SYNE3: variants seen among roughly 807,000 people sequenced by gnomAD.
SYNE3 encodes the protein spectrin repeat containing nuclear envelope family member 3, also known as nesprin-3.
A neutral mutation model predicts 111.2 loss-of-function variants in SYNE3; 100 were observed. The ratio of observed to expected loss-of-function variants is 0.90; its 90% confidence interval spans 0.77 to 1.06. SYNE3 has a LOEUF of 1.06. SYNE3 is among the 50% of genes least tolerant of loss of function. The pLI is 0.00. For synonymous variants in SYNE3, 547 were observed against 533.9 expected, an observed-to-expected ratio of 1.02 and a Z score of -0.34; for missense variants, 1,160 against 1,240.3, an observed-to-expected ratio of 0.94 and a Z score of 0.97.
At chr14:95,462,767 G>A (rs756641977) in intron 4 of SYNE3, among the ~76,000 whole-genome samples, 1 of 152,234 alleles carries the variant, frequency 6.6e-6, no homozygotes, top group Non-Finnish European at 1.5e-5. Flanking sequence ...GACCTGAGTC[G>A]CAGCTGCAGG....
intron 1 of SYNE3, among the ~76,000 whole-genome samples, chr14:95,492,271 A>C (rs1413968148): frequency 1.3e-5 from 2 of 152,362 alleles, no homozygotes; most frequent in South Asian, 4.1e-4. Context: ...TTCTACTCTT[A>C]CATATATACT....
intron 8 of SYNE3, chr14:95,449,561 T>C (rs967308289): frequency 1.0e-6 from 1 of 985,458 alleles, no homozygotes; most frequent in Non-Finnish European, 1.2e-6. Context: ...CTGGACTGCC[T>C]GAATGTCGCT....
At position 95,409,209 on chromosome 14, in the gene SYNE3, C is replaced by A. The variant is rs1267375540; in HGVS notation, c.*8617G>T. 7 of 456,654 alleles carry A rather than the reference C, an allele frequency of 1.5e-5. No individual in the cohort carries two copies. Among genetic ancestry groups the A allele is most frequent in the Middle Eastern group, 3.2e-4 (1 of 3,098 alleles). 28.3% of individuals were successfully genotyped at this position (456,654 alleles called of 1,614,324 possible). A position where few individuals can be genotyped will look rare whatever the true frequency, so the allele number is the denominator to read the frequency against. On this transcript the variant is annotated 3_prime_UTR_variant, in exon 18 of 18. Coordinates refer to ENST00000682763, the MANE Select transcript of SYNE3 (RefSeq NM_152592.6). ...GGGTACAAGTCCCAAATTTACCACT[C>A]CCCGCCTAGCTGGCTGCTCTGAGGC...
chr14:95,436,025 A>G (rs1242295462), intron 15 of SYNE3, among the ~76,000 whole-genome samples: 1 of 152,204 alleles, frequency 6.6e-6, no homozygotes, highest in Non-Finnish European at 1.5e-5. Flanking sequence ...AGGTGGAATC[A>G]AGGAGCTTTA....
intron 1 of SYNE3, among the ~76,000 whole-genome samples, chr14:95,479,195 C>A (rs1347169293): frequency 1.5e-5 from 2 of 136,752 alleles, no homozygotes; most frequent in Admixed American, 1.7e-4. Flanking sequence ...AGGACCAGCC[C>A]AAGCAGCATA....
chr14:95,477,870 A>T (rs1281413994), intron 1 of SYNE3, among the ~76,000 whole-genome samples: 4 of 152,190 alleles, frequency 2.6e-5, no homozygotes, highest in African/African-American at 4.8e-5. Flanking sequence ...TTTCTCAGCT[A>T]GTGTGTGACT....
rs912226511 is a variant in SYNE3, at chr14:95,412,560, T to C, written c.*5266A>G. 1 of 152,242 alleles carries C rather than the reference T, an allele frequency of 6.6e-6. No homozygotes were observed. Among genetic ancestry groups the C allele is most frequent in the Non-Finnish European group, 1.5e-5 (1 of 68,056 alleles). The allele number at this position is 152,242 out of a possible 1,614,324, so 9.4% of individuals were successfully genotyped here. On this transcript the variant is annotated 3_prime_UTR_variant, in exon 18 of 18. Coordinates refer to ENST00000682763, the MANE Select transcript of SYNE3 (RefSeq NM_152592.6). The stretch of plus-strand genomic sequence containing the variant: ...AGAAAGCCGCAGACCCCGGACAGCA[T>C]CCGAATGGCCAGTGGGAAGGCAGGG...
chr14:95,483,952 AT>A (rs1290763619), intron 1 of SYNE3, among the ~76,000 whole-genome samples: 3 of 152,228 alleles, frequency 2.0e-5, no homozygotes, highest in Non-Finnish European at 4.4e-5. Flanking sequence ...TCCCGAAGCC[AT>A]TTTAAGTCAG....
chr14:95,506,276 G>A (rs1418544139), intron 1 of SYNE3, among the ~76,000 whole-genome samples: 2 of 152,202 alleles, frequency 1.3e-5, no homozygotes, highest in Non-Finnish European at 2.9e-5. Flanking sequence ...AGCAGGACCT[G>A]CTGTGGTGAT....
In SYNE3 at chr14:95,455,538, G is replaced by A. The variant is rs374001758; in HGVS notation, c.976C>T (p.Leu326=). The change falls in exon 6 of 18, where the codon CTG becomes TTG. Residue 326 remains leucine, a synonymous_variant. Transcript: ENST00000682763. ...WEEEEERLRG[L]LRSRGAWEQQ... is the part of the protein sequence containing the mutation. ...TCCCAGGCTCCCCTGGACCGGAGCAGGCCCCGCAGCCGCTCCTCCTCCTCC... is the reference window on the plus strand; with the variant it reads ...TCCCAGGCTCCCCTGGACCGGAGCAAGCCCCGCAGCCGCTCCTCCTCCTCC... The A allele has an allele frequency of 6.2e-7, 1 of 1,613,872 alleles. No homozygotes were observed. Among genetic ancestry groups the A allele is most frequent in the African/African-American group, 1.3e-5 (1 of 74,942 alleles).
intron 4 of SYNE3, among the ~76,000 whole-genome samples, 184 bp downstream of exon 4, chr14:95,465,747 G>A (rs1888123037): frequency 6.6e-6 from 1 of 152,068 alleles, no homozygotes; most frequent in South Asian, 2.1e-4. Context: ...TGGGTGAGTA[G>A]GTAGACAGAT....
chr14:95,426,988 T>C (rs1293310972), intron 17 of SYNE3, among the ~76,000 whole-genome samples: 2 of 151,476 alleles, frequency 1.3e-5, no homozygotes, highest in Admixed American at 6.6e-5. Context: ...ATATAGATCT[T>C]AGATATGATT....
Position 95,409,270 on chromosome 14 carries a change from C to A in SYNE3, c.*8556G>T. ...CCCTCTCCACACTCTGGTTTCTGAT[C>A]ATGACTCCATAGCACAGGCTTTTTG... On this transcript the variant is annotated 3_prime_UTR_variant, in exon 18 of 18. Transcript: ENST00000682763. 1 of 456,778 alleles carries A rather than the reference C, an allele frequency of 2.2e-6. No homozygotes were observed. The highest frequency in any genetic ancestry group is 1.5e-5 in the South Asian group (1 of 64,574). The allele number at this position is 456,778 out of a possible 1,614,324, so 28.3% of individuals were successfully genotyped here.
intron 8 of SYNE3, chr14:95,449,477 C>T (rs756676703): frequency 2.0e-6 from 2 of 985,454 alleles, no homozygotes; most frequent in Non-Finnish European, 2.4e-6. Context: ...CATGCTGGGG[C>T]CATGAGGCGA....
Position 95,411,107 on chromosome 14 carries a change from C to T in SYNE3, c.*6719G>A, listed in dbSNP as rs1903422559. The T allele has an allele frequency of 1.3e-5, 2 of 152,176 alleles. No homozygotes were observed. The highest frequency in any genetic ancestry group is 1.3e-4 in the Admixed American group (2 of 15,286). The allele number at this position is 152,176 out of a possible 1,614,324, so 9.4% of individuals were successfully genotyped here. A position where few individuals can be genotyped will look rare whatever the true frequency, so the allele number is the denominator to read the frequency against. On this transcript the variant is annotated 3_prime_UTR_variant, in exon 18 of 18. Transcript: ENST00000682763. ...GGGTACAAAGTTGGAACAAGACAGT[C>T]TATGGAAGCCCTCCAACTCTGACAG...
chr14:95,459,155 T>C (rs907970123), intron 4 of SYNE3, among the ~76,000 whole-genome samples: 4 of 152,240 alleles, frequency 2.6e-5, no homozygotes, highest in African/African-American at 9.6e-5. Context: ...TAGCCACAGA[T>C]AATGTGAAAA....
chr14:95,447,640 C>T (rs1160948931), intron 8 of SYNE3, among the ~76,000 whole-genome samples: 1 of 152,234 alleles, frequency 6.6e-6, no homozygotes, highest in African/African-American at 2.4e-5. Context: ...ACCAGGGCAT[C>T]TAGCTTGTGT....
intron 4 of SYNE3, among the ~76,000 whole-genome samples, chr14:95,464,091 T>G (rs944481904): frequency 1.3e-5 from 2 of 152,202 alleles, no homozygotes; most frequent in Non-Finnish European, 2.9e-5. Context: ...TAGTTCTGCT[T>G]ATCACAGAGC....
At chr14:95,457,419 G>A in intron 4 of SYNE3, 81 bp from the exon 5 acceptor site, 4 of 1,399,532 alleles carry the variant, frequency 2.9e-6, no homozygotes, top group Non-Finnish European at 3.9e-6. Flanking sequence ...AGCCTGCCTG[G>A]GTGTGTGTGT....
Sources: gnomAD v4.1 joint callset for allele counts (sites outside exome capture counted in the v4.1 genomes callset) on GRCh38, gnomAD v4.1.1 for gene constraint, MANE v1.5 for transcripts, NCBI Gene and HGNC (gene_info 2026-07-23, HGNC 2026-07-21) for gene names.